Variants in SMARCB1 observed in about 807,000 individuals in gnomAD.
The protein encoded by SMARCB1 is SWI/SNF-related matrix-associated actin-dependent regulator of chromatin subfamily B member 1.
SMARCB1 carries 5 observed loss-of-function variants against 49.0 expected under a neutral mutation model. The observed-to-expected ratio is 0.10, with a 90% CI of 0.05 to 0.21. The LOEUF (loss-of-function observed/expected upper bound fraction) is 0.21, where lower values mean the gene tolerates loss of function less well. SMARCB1 is among the 10% of genes least tolerant of loss of function. The pLI is 1.00. For missense variants in SMARCB1, 226 were observed against 509.2 expected (o/e 0.44, Z 5.35); for synonymous variants, 201 against 200.1 (o/e 1.00, Z -0.04).
Position 23,835,035 on chromosome 22 carries a change from G to T in SMARCB1, c.*855G>T. 1 of 1,410,460 alleles carries T rather than the reference G, an allele frequency of 7.1e-7. No individual in the cohort carries two copies. 87.4% of individuals were successfully genotyped at this position (1,410,460 alleles called of 1,614,324 possible). On this transcript the variant is annotated 3_prime_UTR_variant, in exon 9 of 9. Coordinates refer to ENST00000644036, the MANE Select transcript of SMARCB1 (RefSeq NM_003073.5). ...TGGCACCCATAGCCAGGTCAGCTGG[G>T]GCCCTTTCCCACCCCAGCAGGTGCT...
At chr22:23,797,122 C>T (rs1272626289) in intron 3 of SMARCB1, among the ~76,000 whole-genome samples, 2 of 149,146 alleles carry the variant, frequency 1.3e-5, no homozygotes, top group Non-Finnish European at 3.0e-5. Context: ...CCTCAGCCTC[C>T]CGAGTAGCTG....
rs1481943784 is a variant in SMARCB1, at chr22:23,816,850, A to G, written c.709A>G (p.Ile237Val). Reference sequence around the variant, plus strand: ...GAACCCGCTGACGTTTGTGCCAGCCATCGCCTCTGCCATCAGACAGCAGAT... The same window carrying G: ...GAACCCGCTGACGTTTGTGCCAGCCGTCGCCTCTGCCATCAGACAGCAGAT... ...DLNPLTFVPA[I>V]ASAIRQQIES... The change falls in exon 6 of 9, where the codon ATC becomes GTC. Residue 237 changes from isoleucine (I) to valine (V), a missense_variant. By Grantham distance (29) the Ile-to-Val change is conservative. Around this residue, in one of 6 missense-constraint regions of SMARCB1, gnomAD observed 128 missense variants for 263.9 expected, o/e 0.49. Transcript: ENST00000644036. The G allele has an allele frequency of 1.2e-6, 2 of 1,613,902 alleles. No individual in the cohort carries two copies. Among genetic ancestry groups the G allele is most frequent in the African/African-American group, 2.7e-5 (2 of 74,928 alleles).
At chr22:23,833,178 C>CT in intron 7 of SMARCB1, among the ~76,000 whole-genome samples, 1 of 152,292 alleles carries the variant, frequency 6.6e-6, no homozygotes, top group South Asian at 2.1e-4. Flanking sequence ...GCTCTGGACA[C>CT]TGAGTGGAGC....
intron 6 of SMARCB1, chr22:23,818,702 AT>A (rs1490719724): frequency 7.3e-6 from 1 of 137,276 alleles, no homozygotes; most frequent in Non-Finnish European, 1.5e-5. Context: ...GTCTCTATGA[AT>A]TTGACTACTC....
intron 7 of SMARCB1, among the ~76,000 whole-genome samples, chr22:23,833,337 G>C (rs1198151986): frequency 1.3e-5 from 2 of 152,200 alleles, no homozygotes; most frequent in Non-Finnish European, 2.9e-5. Context: ...GGGCACAAAA[G>C]CCCTGTTGAA....
chr22:23,836,809 A>AG lies in SMARCB1; in HGVS notation c.*2633dup. ...AGGATGGGTTTTTTCTGCCCCAAGT[A>AG]GGGGTCATGGGTAGGATGGAAGCTG... On this transcript the variant is annotated 3_prime_UTR_variant, in exon 9 of 9. Transcript: ENST00000644036. The AG allele has an allele frequency of 7.0e-7, 1 of 1,419,788 alleles. No homozygotes were observed. Among genetic ancestry groups the AG allele is most frequent in the Non-Finnish European group, 9.2e-7 (1 of 1,086,074 alleles). The allele number at this position is 1,419,788 out of a possible 1,614,324, so 87.9% of individuals were successfully genotyped here.
chr22:23,792,896 T>A (rs1928490057), intron 2 of SMARCB1: 1 of 165,442 alleles, frequency 6.0e-6, no homozygotes, highest in Admixed American at 5.5e-5. Context: ...ACCTTCCCCA[T>A]AAGCGATTGA....
chr22:23,829,225 T>C (rs1019170942), intron 7 of SMARCB1, among the ~76,000 whole-genome samples: 1 of 152,064 alleles, frequency 6.6e-6, no homozygotes, highest in Admixed American at 6.5e-5. Context: ...TGACTATCAG[T>C]GTGCCATGGC....
intron 7 of SMARCB1, among the ~76,000 whole-genome samples, chr22:23,830,413 A>G (rs566276191): frequency 6.6e-6 from 1 of 152,282 alleles, no homozygotes; most frequent in South Asian, 2.1e-4. Context: ...GCATCTTTGC[A>G]TGTATTTCTG....
At chr22:23,828,586 G>A (rs1470378759) in intron 7 of SMARCB1, among the ~76,000 whole-genome samples, 6 of 152,212 alleles carry the variant, frequency 3.9e-5, no homozygotes, top group African/African-American at 9.6e-5. Flanking sequence ...CCCGTGAGGC[G>A]GAGATTGCAG....
intron 1 of SMARCB1, among the ~76,000 whole-genome samples, chr22:23,790,316 G>A (rs1281156096): frequency 1.3e-5 from 2 of 152,176 alleles, no homozygotes; most frequent in Non-Finnish European, 2.9e-5. Context: ...CCTCTATGTG[G>A]AAAGCGAGTG....
chr22:23,797,508 T>C (rs555239419), intron 3 of SMARCB1, among the ~76,000 whole-genome samples: 4 of 144,204 alleles, frequency 2.8e-5, no homozygotes, highest in Admixed American at 2.1e-4. Flanking sequence ...GATGGAGTTT[T>C]ATTGTGTTAG....
At chr22:23,803,462 CCT>C in intron 5 of SMARCB1, 40 bp downstream of exon 5, 1 of 1,611,888 alleles carries the variant, frequency 6.2e-7, no homozygotes, top group African/African-American at 1.3e-5. Context: ...GGCCCCAACC[CCT>C]GTGTGTTACG....
chr22:23,808,588 C>T (rs1029800732), intron 5 of SMARCB1, among the ~76,000 whole-genome samples: 8 of 151,780 alleles, frequency 5.3e-5, no homozygotes, highest in Non-Finnish European at 7.4e-5. Context: ...AGAAACTGGA[C>T]GCTAGAGCAA....
In SMARCB1 at chr22:23,806,873, T is replaced by C. The variant is rs968962989; in HGVS notation, c.628+3451T>C. Among the ~76,000 whole-genome samples, 3 of 148,580 alleles carry C rather than the reference T, an allele frequency of 2.0e-5. No homozygotes were observed. In the Admixed American group the frequency reaches 2.0e-4, roughly 10 times the overall value. ...AGGCAGAGGTTGCAGTTAGCTGAGA[T>C]TGTGGCATTGCACTTCAACCTGGGC... On this transcript the variant is annotated intron_variant, in intron 5 of 8. Transcript: ENST00000644036.
chr22:23,816,558 G>A (rs1364152091), intron 5 of SMARCB1: 5 of 640,468 alleles, frequency 7.8e-6, no homozygotes, highest in Non-Finnish European at 1.4e-5. Flanking sequence ...AGGGCATGGA[G>A]CAGGAGGTCT....
chr22:23,830,835 G>A (rs6003900), intron 7 of SMARCB1, among the ~76,000 whole-genome samples: 34,547 of 151,288 alleles, frequency 0.23, 5,700 homozygotes, highest in African/African-American at 0.47. Context: ...CTAATTTTTT[G>A]TTTTTAGTAG....
chr22:23,789,111 A>G (rs35549908), intron 1 of SMARCB1, among the ~76,000 whole-genome samples: 218 of 152,292 alleles, frequency 1.4e-3, no homozygotes, highest in Non-Finnish European at 1.9e-3. Flanking sequence ...CGGCCTCCCA[A>G]AGTGCTCGAT....
chr22:23,811,400 A>T (rs1318302671), intron 5 of SMARCB1, among the ~76,000 whole-genome samples: 6 of 152,248 alleles, frequency 3.9e-5, no homozygotes. Context: ...ACAGAATCTG[A>T]TTAGCATTTA....
Sources: gnomAD v4.1 joint callset for allele counts (sites outside exome capture counted in the v4.1 genomes callset) on GRCh38, gnomAD v4.1.1 for gene constraint, gnomAD v4.1.1 regional missense constraint, MANE v1.5 for transcripts, NCBI Gene and HGNC (gene_info 2026-07-23, HGNC 2026-07-21) for gene names.